Variants in RNGTT observed in about 807,000 individuals in gnomAD.
RNGTT encodes the protein RNA guanylyltransferase and 5'-phosphatase, also known as mRNA-capping enzyme.
In RNGTT, 33 loss-of-function variants were observed where a neutral mutation model predicts 79.3. That is an observed-to-expected ratio of 0.42 (90% CI 0.32 to 0.56). The LOEUF (loss-of-function observed/expected upper bound fraction) is 0.56, where lower values mean the gene tolerates loss of function less well. RNGTT is among the 20% of genes least tolerant of loss of function. RNGTT has a pLI of 0.17. For synonymous variants in RNGTT, 222 were observed against 235.9 expected (o/e 0.94, Z 0.54); for missense variants, 497 against 739.1 (o/e 0.67, Z 3.80).
At chr6:88,657,542 G>A (rs771472995) in intron 14 of RNGTT, among the ~76,000 whole-genome samples, 56 of 152,132 alleles carry the variant, frequency 3.7e-4, no homozygotes, top group Non-Finnish European at 7.3e-4. Context: ...ATCAGGGGGT[G>A]GGGAGGCAAA....
chr6:88,817,749 A>ATTTTTTTTTTTTTTTT (rs71554802), intron 11 of RNGTT, among the ~76,000 whole-genome samples: 1 of 71,560 alleles, frequency 1.4e-5, no homozygotes, highest in African/African-American at 5.7e-5. Flanking sequence ...TATTCACATC[A>ATTTTTTTTTTTTTTTT]TTTTTTTTTT....
chr6:88,839,767 T>A (rs748168912), intron 11 of RNGTT, among the ~76,000 whole-genome samples: 1 of 152,200 alleles, frequency 6.6e-6, no homozygotes, highest in African/African-American at 2.4e-5. Context: ...TCATATATAG[T>A]CTGTTCAAAT....
chr6:88,930,525 CAT>C (rs2127954421), intron 2 of RNGTT, among the ~76,000 whole-genome samples: 1 of 151,758 alleles, frequency 6.6e-6, no homozygotes, highest in African/African-American at 2.4e-5. Context: ...CTTTCAGTAT[CAT>C]ATAAAAACAA....
intron 4 of RNGTT, 39 bp downstream of exon 4, chr6:88,928,946 A>G (rs1339363743): frequency 1.4e-6 from 2 of 1,466,418 alleles, no homozygotes; most frequent in Non-Finnish European, 9.3e-7. Context: ...TAACTGCAAA[A>G]TAAAATATTC....
intron 13 of RNGTT, among the ~76,000 whole-genome samples, chr6:88,740,773 C>T (rs116480411): frequency 1.1e-4 from 16 of 151,848 alleles, no homozygotes; most frequent in African/African-American, 2.4e-4. Flanking sequence ...GGGTGGAGGA[C>T]GAGGGGAGGG....
intron 13 of RNGTT, among the ~76,000 whole-genome samples, chr6:88,736,901 G>A (rs757786799): frequency 6.6e-6 from 1 of 152,142 alleles, no homozygotes; most frequent in Non-Finnish European, 1.5e-5. Flanking sequence ...TCATCAGAGA[G>A]CTGCCATTCT....
chr6:88,708,390 C>T (rs1776210968), intron 13 of RNGTT, among the ~76,000 whole-genome samples: 1 of 152,092 alleles, frequency 6.6e-6, no homozygotes. Flanking sequence ...TACAAGATGA[C>T]CCCTGAACTT....
intron 14 of RNGTT, among the ~76,000 whole-genome samples, chr6:88,668,862 G>A (rs1462021522): frequency 2.0e-5 from 3 of 151,822 alleles, no homozygotes; most frequent in East Asian, 1.9e-4. Flanking sequence ...TCTCTCAGTC[G>A]GGGTGAAAAA....
Position 88,850,610 on chromosome 6 carries a change from A to C in RNGTT, c.1033-784T>G, listed in dbSNP as rs140965374. Among the ~76,000 whole-genome samples, 734 of 151,422 alleles carry C rather than the reference A, an allele frequency of 4.8e-3. 2 individuals are homozygous for C. The highest frequency in any genetic ancestry group is 0.017 in the African/African-American group (696 of 41,490). On this transcript the variant is annotated intron_variant, in intron 9 of 15. Transcript: ENST00000369485. ...ACAACCATCTAAAATTACAAAAAAA[A>C]CACACTGATTTAGGAAAAATATATT...
intron 14 of RNGTT, 28 bp from the exon 15 acceptor site, chr6:88,614,423 A>G (rs1488950990): frequency 6.2e-7 from 1 of 1,608,680 alleles, no homozygotes; most frequent in Non-Finnish European, 8.5e-7. Flanking sequence ...TGAGGAAAAT[A>G]TTTAAATAAC....
At chr6:88,743,473 A>G (rs553163482) in intron 13 of RNGTT, among the ~76,000 whole-genome samples, 4 of 152,152 alleles carry the variant, frequency 2.6e-5, no homozygotes, top group Non-Finnish European at 5.9e-5. Flanking sequence ...CTCTACACCT[A>G]TGAAAAATGA....
intron 2 of RNGTT, among the ~76,000 whole-genome samples, chr6:88,935,548 TAA>T (rs36015928): frequency 6.6e-6 from 1 of 152,162 alleles, no homozygotes; most frequent in African/African-American, 2.4e-5. Context: ...ACCCCATCTT[TAA>T]AAAAAGTTTT....
chr6:88,881,242 C>T (rs945223108), intron 8 of RNGTT, among the ~76,000 whole-genome samples: 4 of 152,036 alleles, frequency 2.6e-5, no homozygotes, highest in Admixed American at 1.3e-4. Context: ...CATAGTAAAG[C>T]GACTATCAAG....
At chr6:88,706,808 T>C (rs910318575) in intron 13 of RNGTT, among the ~76,000 whole-genome samples, 1 of 152,134 alleles carries the variant, frequency 6.6e-6, no homozygotes, top group Non-Finnish European at 1.5e-5. Flanking sequence ...AAAAATTTAC[T>C]CATAAATGGT....
intron 10 of RNGTT, among the ~76,000 whole-genome samples, 166 bp downstream of exon 10, chr6:88,849,589 G>C (rs1260029480): frequency 4.0e-5 from 6 of 151,694 alleles, no homozygotes; most frequent in Non-Finnish European, 8.8e-5. Context: ...TTAACAATAA[G>C]AGAAAGAAAA....
intron 12 of RNGTT, among the ~76,000 whole-genome samples, chr6:88,786,520 T>C (rs944980686): frequency 6.6e-6 from 1 of 152,106 alleles, no homozygotes; most frequent in South Asian, 2.1e-4. Context: ...GAAAACCATA[T>C]AGATAGGAGT....
At chr6:88,655,136 A>C (rs1773929100) in intron 14 of RNGTT, among the ~76,000 whole-genome samples, 1 of 152,224 alleles carries the variant, frequency 6.6e-6, no homozygotes. Context: ...GTCAGCAAAC[A>C]AACCAAATCA....
chr6:88,847,922 G>A (rs1781538459), intron 10 of RNGTT, among the ~76,000 whole-genome samples: 1 of 151,454 alleles, frequency 6.6e-6, no homozygotes, highest in Admixed American at 6.6e-5. Flanking sequence ...GAACAAACTT[G>A]CAATTAAGTT....
chr6:88,640,979 C>A (rs1405255552), intron 14 of RNGTT, among the ~76,000 whole-genome samples: 1 of 152,086 alleles, frequency 6.6e-6, no homozygotes, highest in Non-Finnish European at 1.5e-5. Flanking sequence ...CTATGAGACT[C>A]CCTAGAATCT....
Sources: gnomAD v4.1 joint callset for allele counts (sites outside exome capture counted in the v4.1 genomes callset) on GRCh38, gnomAD v4.1.1 for gene constraint, MANE v1.5 for transcripts, NCBI Gene and HGNC (gene_info 2026-07-23, HGNC 2026-07-21) for gene names.